COMMD2: variants seen among roughly 807,000 people sequenced by gnomAD.
COMMD2 encodes COMM domain containing 2, also known as COMM domain-containing protein 2.
Under a neutral mutation model 22.5 loss-of-function variants are expected in COMMD2, and 25 were observed. The ratio of observed to expected loss-of-function variants is 1.11; its 90% CI spans 0.81 to 1.55. The LOEUF is 1.55. Among genes scored for constraint, COMMD2 ranks in the 40% most tolerant of loss-of-function variants. COMMD2 has a pLI of 0.00. For synonymous variants in COMMD2, 98 were observed against 91.2 expected (o/e 1.07, Z -0.42); for missense variants, 223 against 232.9 (o/e 0.96, Z 0.28).
intron 4 of COMMD2, among the ~76,000 whole-genome samples, chr3:149,745,659 G>C (rs561212100): frequency 3.9e-5 from 6 of 152,298 alleles, no homozygotes; most frequent in African/African-American, 1.4e-4. Context: ...ATAGAAACAA[G>C]GATGGATTAA....
At chr3:149,745,670 T>C (rs1716347846) in intron 4 of COMMD2, among the ~76,000 whole-genome samples, 1 of 152,344 alleles carries the variant, frequency 6.6e-6, no homozygotes, top group South Asian at 2.1e-4. Context: ...GATGGATTAA[T>C]GGGACATAAG....
rs1274912340 is a variant in COMMD2, at chr3:149,740,647, T to G, written c.*874A>C. The G allele has an allele frequency of 6.6e-6, 1 of 152,198 alleles. No homozygotes were observed. The highest frequency in any genetic ancestry group is 1.5e-5 in the Non-Finnish European group (1 of 68,032). 9.4% of individuals were successfully genotyped at this position (152,198 alleles called of 1,614,324 possible). A position where few individuals can be genotyped will look rare whatever the true frequency, so the allele number is the denominator to read the frequency against. On this transcript the variant is annotated 3_prime_UTR_variant, in exon 5 of 5. Coordinates refer to ENST00000473414, the MANE Select transcript of COMMD2 (RefSeq NM_016094.4). ...TAAACTGCCTATAACAATATAGCATTAAAAATCCTATTGATGTTCAATATT... is the reference window on the plus strand; with the variant it reads ...TAAACTGCCTATAACAATATAGCATGAAAAATCCTATTGATGTTCAATATT...
chr3:149,750,916 C>T, intron 3 of COMMD2, 65 bp from the exon 4 acceptor site: 3 of 1,071,944 alleles, frequency 2.8e-6, no homozygotes, highest in Non-Finnish European at 4.0e-6. Flanking sequence ...AATTGAAATA[C>T]ACAAAAGAAT....
chr3:149,741,298 C>T lies in COMMD2; in HGVS notation c.*223G>A. 1 of 477,708 alleles carries T rather than the reference C, an allele frequency of 2.1e-6. No homozygotes were observed. Among genetic ancestry groups the T allele is most frequent in the Non-Finnish European group, 3.8e-6 (1 of 263,848 alleles). 29.6% of individuals were successfully genotyped at this position (477,708 alleles called of 1,614,324 possible). Reference sequence around the variant, plus strand: ...AGCCAGGAAGGTCTCAATCTCCTGACCTCATGATTTGCCCACCTCGGCCTC... The same window carrying T: ...AGCCAGGAAGGTCTCAATCTCCTGATCTCATGATTTGCCCACCTCGGCCTC... On this transcript the variant is annotated 3_prime_UTR_variant, in exon 5 of 5. Transcript: ENST00000473414.
intron 3 of COMMD2, 144 bp downstream of exon 3, chr3:149,751,259 T>C: frequency 7.7e-7 from 1 of 1,302,606 alleles, no homozygotes. Context: ...ATTTTTATTT[T>C]TTAGGTATGT....
intron 3 of COMMD2, among the ~76,000 whole-genome samples, chr3:149,751,062 C>G (rs1716515043): frequency 6.6e-6 from 1 of 152,000 alleles, no homozygotes; most frequent in South Asian, 2.1e-4. Flanking sequence ...GTTAAGATGC[C>G]CAGTTTCCCT....
chr3:149,747,206 A>G lies in COMMD2; in HGVS notation c.402+3472T>C, dbSNP rs1054936284. On this transcript the variant is annotated intron_variant, in intron 4 of 4. Transcript: ENST00000473414. Reference sequence around the variant, plus strand: ...CTTCCACTGTATGATTCTGAAGTTTAGAGGACAGTTCTAGGCTAAAGATAT... The same window carrying G: ...CTTCCACTGTATGATTCTGAAGTTTGGAGGACAGTTCTAGGCTAAAGATAT... Among the ~76,000 whole-genome samples the G allele has an allele frequency of 2.6e-5, 4 of 152,364 alleles. No homozygotes were observed. The East Asian group carries it at 7.7e-4, about 29-fold the overall frequency.
At chr3:149,750,948 T>C in intron 3 of COMMD2, 97 bp from the exon 4 acceptor site, 3 of 804,778 alleles carry the variant, frequency 3.7e-6, no homozygotes, top group Non-Finnish European at 5.5e-6. Flanking sequence ...TAATTTATTC[T>C]GTCTAGTAAA....
In COMMD2 at chr3:149,750,683, C is replaced by T. The variant is rs776430746; in HGVS notation, c.397G>A (p.Val133Ile). 2.4e-5 allele frequency: 38 copies of T among 1,566,378 alleles called. No homozygotes were observed. The Admixed American group carries it at 5.5e-4, about 23-fold the overall frequency. ...SYHNLEWRLDVQLASRSLRQQ... is the reference protein window; with the variant it reads ...SYHNLEWRLDIQLASRSLRQQ... ...TAATTTTAAAAATGCTATACCTGTA[C>T]ATCTAGTCGCCATTCAAGGTTATGA... The change falls in exon 4 of 5, where the codon GTA becomes ATA. Residue 133 changes from valine to isoleucine, a missense_variant. Coordinates refer to ENST00000473414, the MANE Select transcript of COMMD2 (RefSeq NM_016094.4).
intron 4 of COMMD2, among the ~76,000 whole-genome samples, chr3:149,742,728 G>T (rs1032871521): frequency 1.3e-5 from 2 of 152,138 alleles, no homozygotes; most frequent in African/African-American, 4.8e-5. Context: ...CAGCACTTTT[G>T]GGGGCTGAGA....
chr3:149,746,214 G>GA (rs1369716624), intron 4 of COMMD2, among the ~76,000 whole-genome samples: 7 of 152,112 alleles, frequency 4.6e-5, no homozygotes, highest in Admixed American at 3.9e-4. Flanking sequence ...ATTTTGGTGT[G>GA]AAATTTCCTA....
chr3:149,739,737 G>C lies in COMMD2; in HGVS notation c.*1784C>G, dbSNP rs975969838. The stretch of plus-strand genomic sequence containing the variant: ...ATATGCTACTATTTCACGTAATAAA[G>C]TTTCTTTTTGTTTGTGAGGTTGTAT... On this transcript the variant is annotated 3_prime_UTR_variant, in exon 5 of 5. Transcript: ENST00000473414. 2.6e-5 allele frequency: 4 copies of C among 152,106 alleles called. No individual in the cohort carries two copies. The highest frequency in any genetic ancestry group is 5.9e-5 in the Non-Finnish European group (4 of 68,004). 9.4% of individuals were successfully genotyped at this position (152,106 alleles called of 1,614,324 possible). A position where few individuals can be genotyped will look rare whatever the true frequency, so the allele number is the denominator to read the frequency against.
rs1414319345 is a variant in COMMD2 at position 149,741,247 on chromosome 3, T to C, written c.*274A>G. On this transcript the variant is annotated 3_prime_UTR_variant, in exon 5 of 5. Transcript: ENST00000473414. The stretch of plus-strand genomic sequence containing the variant: ...ACACCTGGCTAATTTTTTATATTTT[T>C]AGTAGAGATGGGGTTTCACCATGTT... 6.3e-6 allele frequency: 2 copies of C among 315,552 alleles called. No individual in the cohort carries two copies. The highest frequency in any genetic ancestry group is 1.4e-4 in the East Asian group (2 of 13,898). The allele number at this position is 315,552 out of a possible 1,614,324, so 19.5% of individuals were successfully genotyped here.
intron 4 of COMMD2, among the ~76,000 whole-genome samples, chr3:149,742,075 A>G (rs1009126138): frequency 3.3e-5 from 5 of 152,164 alleles, no homozygotes; most frequent in African/African-American, 1.2e-4. Flanking sequence ...AAAAAAGATT[A>G]GTATCCAGAA....
intron 2 of COMMD2, chr3:149,751,878 T>C (rs544058282): frequency 6.7e-6 from 2 of 300,662 alleles, no homozygotes; most frequent in East Asian, 5.8e-5. Flanking sequence ...CAACTAATAA[T>C]GATAACCAAA....
Position 149,741,474 on chromosome 3 carries a change from C to A in COMMD2, c.*47G>T, listed in dbSNP as rs1469890364. 1 of 1,422,178 alleles carries A rather than the reference C, an allele frequency of 7.0e-7. No homozygotes were observed. The highest frequency in any genetic ancestry group is 9.9e-7 in the Non-Finnish European group (1 of 1,006,328). 88.1% of individuals were successfully genotyped at this position (1,422,178 alleles called of 1,614,324 possible). ...ATTTTGAAAAGTAATTGCTGTATATCATCAATTCATAAGTGATTCAAATGA... is the reference window on the plus strand; with the variant it reads ...ATTTTGAAAAGTAATTGCTGTATATAATCAATTCATAAGTGATTCAAATGA... On this transcript the variant is annotated 3_prime_UTR_variant, in exon 5 of 5. Coordinates refer to ENST00000473414, the MANE Select transcript of COMMD2 (RefSeq NM_016094.4).
chr3:149,738,897 C>T lies in COMMD2; in HGVS notation c.*2624G>A, dbSNP rs1411175638. 1 of 152,084 alleles carries T rather than the reference C, an allele frequency of 6.6e-6. No individual in the cohort carries two copies. Among genetic ancestry groups the T allele is most frequent in the Non-Finnish European group, 1.5e-5 (1 of 67,990 alleles). 9.4% of individuals were successfully genotyped at this position (152,084 alleles called of 1,614,324 possible). ...TCCCGTTTACTGTCTTAAATGTGCC[C>T]AATCTCGGAAATATCAATAACAAAA... On this transcript the variant is annotated 3_prime_UTR_variant, in exon 5 of 5. Coordinates refer to ENST00000473414, the MANE Select transcript of COMMD2 (RefSeq NM_016094.4).
rs1233274253 is a variant in COMMD2 at position 149,740,148 on chromosome 3, A to AT, written c.*1372dup. 6.6e-6 allele frequency: 1 copy of AT among 152,160 alleles called. No individual in the cohort carries two copies. Among genetic ancestry groups the AT allele is most frequent in the African/African-American group, 2.4e-5 (1 of 41,446 alleles). 9.4% of individuals were successfully genotyped at this position (152,160 alleles called of 1,614,324 possible). A position where few individuals can be genotyped will look rare whatever the true frequency, so the allele number is the denominator to read the frequency against. ...GACACATAGTTAAGACTGAACCCTC[A>AT]TTTCCACCCTTCCATACAATTCTTC... On this transcript the variant is annotated 3_prime_UTR_variant, in exon 5 of 5. Transcript: ENST00000473414.
chr3:149,744,818 A>G (rs1716324146), intron 4 of COMMD2, among the ~76,000 whole-genome samples: 1 of 152,190 alleles, frequency 6.6e-6, no homozygotes, highest in Admixed American at 6.5e-5. Flanking sequence ...CCTTAAATGC[A>G]CTTCTCCATA....
Sources: gnomAD v4.1 joint callset for allele counts (sites outside exome capture counted in the v4.1 genomes callset) on GRCh38, gnomAD v4.1.1 for gene constraint, MANE v1.5 for transcripts, NCBI Gene and HGNC (gene_info 2026-07-23, HGNC 2026-07-21) for gene names.